FAM135B: variants seen among roughly 807,000 people sequenced by gnomAD.
FAM135B encodes protein FAM135B.
Under a neutral mutation model 127.7 loss-of-function variants are expected in FAM135B, and 43 were observed. The ratio of observed to expected loss-of-function variants is 0.34; its 90% CI spans 0.26 to 0.43. The LOEUF (loss-of-function observed/expected upper bound fraction) is 0.43. Among genes scored for constraint, FAM135B ranks in the 20% least tolerant of loss-of-function variants. The pLI is 1.00. For synonymous variants in FAM135B, 670 were observed against 665.1 expected, an observed-to-expected ratio of 1.01 and a Z score of -0.11; for missense variants, 1,558 against 1,725.6, an observed-to-expected ratio of 0.90 and a Z score of 1.72.
At position 138,160,384 on chromosome 8, in the gene FAM135B, T is replaced by G. The variant is rs1446335082; in HGVS notation, c.1259-7168A>C. Among the ~76,000 whole-genome samples, 10 of 151,168 alleles carry G rather than the reference T, an allele frequency of 6.6e-5. No individual in the cohort carries two copies. In the East Asian group the frequency reaches 1.9e-3, roughly 29 times the overall value. ...GCTGGTGTCTGGTTTTATTTATTTA[T>G]TTATTTATTTATTTTTTCTTTTGAG... is the stretch of plus-strand genomic sequence containing the variant. On this transcript the variant is annotated intron_variant, in intron 12 of 19. Coordinates refer to ENST00000395297, the MANE Select transcript of FAM135B (RefSeq NM_015912.4).
At chr8:138,199,132 T>C (rs1816904575) in intron 7 of FAM135B, among the ~76,000 whole-genome samples, 1 of 152,180 alleles carries the variant, frequency 6.6e-6, no homozygotes, top group South Asian at 2.1e-4. Context: ...TGATCCAATG[T>C]GGGTGGGCAA....
At chr8:138,370,612 G>A (rs1040359005) in intron 1 of FAM135B, among the ~76,000 whole-genome samples, 36 of 151,978 alleles carry the variant, frequency 2.4e-4, no homozygotes, top group African/African-American at 8.5e-4. Context: ...CACCACGCCT[G>A]GCTAATTTTT....
intron 1 of FAM135B, among the ~76,000 whole-genome samples, chr8:138,421,553 TA>T (rs141516891): frequency 0.021 from 3,250 of 151,998 alleles, 108 homozygotes; most frequent in African/African-American, 0.072. Flanking sequence ...ACAAATATAA[TA>T]AAACACCTAA....
chr8:138,343,250 G>A (rs578236878), intron 2 of FAM135B, among the ~76,000 whole-genome samples: 1 of 152,306 alleles, frequency 6.6e-6, no homozygotes, highest in South Asian at 2.1e-4. Context: ...GGGGGAATTG[G>A]CTCTCATGAA....
At position 138,314,689 on chromosome 8, in the gene FAM135B, C is replaced by T. The variant is rs1449440455; in HGVS notation, c.78-3769G>A. Reference sequence around the variant, plus strand: ...CTAGGCAATATATGGAGACCCCATCCCTACAATAAATAAATAAATAAATAA... The same window carrying T: ...CTAGGCAATATATGGAGACCCCATCTCTACAATAAATAAATAAATAAATAA... On this transcript the variant is annotated intron_variant, in intron 2 of 19. Coordinates refer to ENST00000395297, the MANE Select transcript of FAM135B (RefSeq NM_015912.4). Among the ~76,000 whole-genome samples the T allele has an allele frequency of 4.6e-3, 21 of 4,612 alleles. No individual in the cohort carries two copies. In the East Asian group the frequency reaches 0.077, roughly 17 times the overall value. 3.0% of individuals were successfully genotyped at this position (4,612 alleles called of 152,430 possible).
chr8:138,149,143 AT>A (rs10545439), intron 13 of FAM135B, among the ~76,000 whole-genome samples: 23,713 of 149,238 alleles, frequency 0.16, 2,260 homozygotes, highest in African/African-American at 0.26. Flanking sequence ...AAAAAAATAA[AT>A]AAATAAATAA....
intron 1 of FAM135B, among the ~76,000 whole-genome samples, chr8:138,445,834 T>C (rs1033192573): frequency 1.1e-4 from 17 of 152,160 alleles, no homozygotes; most frequent in African/African-American, 3.9e-4. Context: ...AAATAAAGGG[T>C]ATTCAGTTAG....
At chr8:138,317,359 G>C (rs991142232) in intron 2 of FAM135B, among the ~76,000 whole-genome samples, 4 of 152,160 alleles carry the variant, frequency 2.6e-5, no homozygotes, top group Admixed American at 6.5e-5. Flanking sequence ...GAGTGGATGG[G>C]AGAGAGAGGC....
intron 9 of FAM135B, 83 bp from the exon 10 acceptor site, chr8:138,178,773 T>G (rs1814726294): frequency 1.6e-6 from 2 of 1,252,018 alleles, no homozygotes; most frequent in Non-Finnish European, 2.3e-6. Context: ...CTTTACTGAC[T>G]TTTCTGTTTT....
chr8:138,272,191 A>T (rs58953248), intron 3 of FAM135B, among the ~76,000 whole-genome samples: 3,787 of 152,250 alleles, frequency 0.025, 112 homozygotes, highest in East Asian at 0.08. Flanking sequence ...TGCACTATCC[A>T]TCAATTTCTG....
chr8:138,305,777 T>C (rs1273425314), intron 3 of FAM135B, among the ~76,000 whole-genome samples: 1 of 152,176 alleles, frequency 6.6e-6, no homozygotes, highest in Non-Finnish European at 1.5e-5. Flanking sequence ...TATGCTTGAC[T>C]GACAAGTATA....
intron 2 of FAM135B, among the ~76,000 whole-genome samples, chr8:138,314,805 A>G (rs1826954247): frequency 6.6e-6 from 1 of 150,716 alleles, no homozygotes; most frequent in Non-Finnish European, 1.5e-5. Context: ...ACTTGAGAAC[A>G]GGAGGTTGAA....
chr8:138,338,828 C>T (rs1183130335), intron 2 of FAM135B, among the ~76,000 whole-genome samples: 1 of 152,112 alleles, frequency 6.6e-6, no homozygotes, highest in East Asian at 1.9e-4. Flanking sequence ...TATTGTGGCA[C>T]TACTCACAAT....
At chr8:138,387,077 T>C (rs147274312) in intron 1 of FAM135B, among the ~76,000 whole-genome samples, 165 of 152,346 alleles carry the variant, frequency 1.1e-3, no homozygotes, top group Non-Finnish European at 3.7e-4. Flanking sequence ...TTATCTCCCA[T>C]TTAATCTGAC....
chr8:138,440,013 GATC>G (rs1428432145), intron 1 of FAM135B: 1 of 152,204 alleles, frequency 6.6e-6, no homozygotes, highest in Non-Finnish European at 1.5e-5. Context: ...CAGGTGCGAG[GATC>G]ATAGGGAAGA....
At chr8:138,384,985 G>A (rs1011483577) in intron 1 of FAM135B, among the ~76,000 whole-genome samples, 6 of 151,990 alleles carry the variant, frequency 3.9e-5, no homozygotes, top group East Asian at 1.9e-4. Flanking sequence ...CCCTCACATC[G>A]GCCAACGCAG....
At chr8:138,390,124 T>C (rs1280393908) in intron 1 of FAM135B, among the ~76,000 whole-genome samples, 6 of 152,324 alleles carry the variant, frequency 3.9e-5, no homozygotes, top group African/African-American at 1.2e-4. Flanking sequence ...TTTGGGGACA[T>C]ACTTGTACTC....
intron 7 of FAM135B, among the ~76,000 whole-genome samples, chr8:138,233,763 C>T (rs1320365308): frequency 1.3e-5 from 2 of 152,070 alleles, no homozygotes; most frequent in Admixed American, 1.3e-4. Context: ...TTGCAAACCA[C>T]ATATCCAATA....
intron 1 of FAM135B, among the ~76,000 whole-genome samples, chr8:138,406,170 G>A (rs1184717217): frequency 6.6e-6 from 1 of 151,350 alleles, no homozygotes; most frequent in Non-Finnish European, 1.5e-5. Context: ...TAGGTTGCCT[G>A]TTCACTCCGA....
Sources: gnomAD v4.1 joint callset for allele counts (sites outside exome capture counted in the v4.1 genomes callset) on GRCh38, gnomAD v4.1.1 for gene constraint, MANE v1.5 for transcripts, NCBI Gene and HGNC (gene_info 2026-07-23, HGNC 2026-07-21) for gene names.